AP1AR: variants seen among roughly 807,000 people sequenced by gnomAD.
AP1AR encodes the protein adaptor related protein complex 1 associated regulatory protein.
AP1AR carries 29 observed loss-of-function variants against 46.3 expected under a neutral mutation model. That is an observed-to-expected ratio of 0.63 (90% CI 0.47 to 0.85). The LOEUF (loss-of-function observed/expected upper bound fraction) is 0.85. Among genes scored for constraint, AP1AR ranks in the 40% least tolerant of loss-of-function variants. AP1AR has a pLI of 0.00. For synonymous variants in AP1AR, 122 were observed against 122.9 expected, an observed-to-expected ratio of 0.99 and a Z score of 0.05; for missense variants, 357 against 356.3, an observed-to-expected ratio of 1.00 and a Z score of -0.02.
intron 6 of AP1AR, among the ~76,000 whole-genome samples, chr4:112,264,535 C>T (rs1484884857): frequency 6.6e-6 from 1 of 152,166 alleles, no homozygotes; most frequent in Admixed American, 6.5e-5. Flanking sequence ...AGAGCCACAA[C>T]TCCCAACAGT....
chr4:112,233,262 T>G (rs1725097845), intron 1 of AP1AR, among the ~76,000 whole-genome samples: 1 of 152,262 alleles, frequency 6.6e-6, no homozygotes, highest in Non-Finnish European at 1.5e-5. Context: ...CATTCATTAA[T>G]TAGGCATTGT....
chr4:112,272,740 C>A lies in AP1AR; in HGVS notation c.*4331C>A, dbSNP rs1029811418. 2.6e-5 allele frequency among the ~76,000 whole-genome samples: 4 copies of A among 152,134 alleles called. No homozygotes were observed. The highest frequency in any genetic ancestry group is 9.7e-5 in the African/African-American group (4 of 41,408). The stretch of plus-strand genomic sequence containing the variant: ...ATTCTGTCTCTTGGCTGAATTCTTT[C>A]TCCCAAGAAGACAAAGATCAAGGAC... On this transcript the variant is annotated 3_prime_UTR_variant, in exon 10 of 10. Transcript: ENST00000274000.
intron 1 of AP1AR, among the ~76,000 whole-genome samples, chr4:112,248,422 A>T (rs1041481206): frequency 2.8e-4 from 43 of 151,956 alleles, no homozygotes; most frequent in Admixed American, 1.2e-3. Flanking sequence ...TTAGCTTTTT[A>T]AAAAAAACAG....
chr4:112,235,437 C>T (rs1013927971), intron 1 of AP1AR, among the ~76,000 whole-genome samples: 1 of 152,110 alleles, frequency 6.6e-6, no homozygotes, highest in Non-Finnish European at 1.5e-5. Flanking sequence ...CTTTTTGGCT[C>T]CAGCAGCCAA....
Position 112,268,209 on chromosome 4 carries a change from C to CTTAA in AP1AR, c.710_713dup (p.Lys238AsnfsTer2). On this transcript the variant is annotated frameshift_variant, in exon 10 of 10. Coordinates refer to ENST00000274000, the MANE Select transcript of AP1AR (RefSeq NM_018569.6). LOFTEE classifies it high-confidence loss of function. ...AGAGGAAGACATTCTACGGGCAGCA[C>CTTAA]TTAAGTATAGCAACAAGAAGACTGG... is the stretch of plus-strand genomic sequence containing the variant. 6.2e-7 allele frequency: 1 copy of CTTAA among 1,611,654 alleles called. No individual in the cohort carries two copies. Among genetic ancestry groups the CTTAA allele is most frequent in the East Asian group, 2.2e-5 (1 of 44,838 alleles).
intron 1 of AP1AR, among the ~76,000 whole-genome samples, chr4:112,248,460 AT>A (rs1725813259): frequency 1.3e-5 from 2 of 152,318 alleles, no homozygotes; most frequent in East Asian, 3.9e-4. Flanking sequence ...AAAGATGCAA[AT>A]TGAGGTAAGG....
chr4:112,271,137 A>G lies in AP1AR; in HGVS notation c.*2728A>G, dbSNP rs531249290. On this transcript the variant is annotated 3_prime_UTR_variant, in exon 10 of 10. Coordinates refer to ENST00000274000, the MANE Select transcript of AP1AR (RefSeq NM_018569.6). Reference sequence around the variant, plus strand: ...GCCGTGGCTACCTTGCTCACTGCACATAGTCCACGTAGGCAAAACTCAACC... The same window carrying G: ...GCCGTGGCTACCTTGCTCACTGCACGTAGTCCACGTAGGCAAAACTCAACC... Among the ~76,000 whole-genome samples the G allele has an allele frequency of 6.6e-6, 1 of 152,320 alleles. No homozygotes were observed. The highest frequency in any genetic ancestry group is 1.9e-4 in the East Asian group (1 of 5,178).
intron 1 of AP1AR, among the ~76,000 whole-genome samples, chr4:112,242,908 G>A (rs578073718): frequency 1.3e-5 from 2 of 152,284 alleles, no homozygotes; most frequent in South Asian, 4.1e-4. Flanking sequence ...GTAAATGAAT[G>A]TCCATGGATG....
At chr4:112,262,770 G>A (rs1726509144) in intron 5 of AP1AR, among the ~76,000 whole-genome samples, 1 of 152,132 alleles carries the variant, frequency 6.6e-6, no homozygotes, top group Admixed American at 6.5e-5. Context: ...TCATAACTCA[G>A]TTTCTAAGGA....
intron 3 of AP1AR, among the ~76,000 whole-genome samples, chr4:112,255,973 G>A (rs1726184341): frequency 6.6e-6 from 1 of 152,172 alleles, no homozygotes; most frequent in African/African-American, 2.4e-5. Context: ...GAAGAACACT[G>A]AAAGTTGACA....
chr4:112,258,176 C>A (rs1311340126), intron 4 of AP1AR, among the ~76,000 whole-genome samples: 1 of 152,000 alleles, frequency 6.6e-6, no homozygotes, highest in Non-Finnish European at 1.5e-5. Flanking sequence ...GTAACTAAAA[C>A]CTTATGCTAT....
Position 112,239,409 on chromosome 4 carries a change from C to T in AP1AR, c.83+7235C>T, listed in dbSNP as rs1270106956. The stretch of plus-strand genomic sequence containing the variant: ...CTAATGTTCACCTTTCCTGCTGCTG[C>T]TCTCCTCTGCATATTCATTTTCTTC... On this transcript the variant is annotated intron_variant, in intron 1 of 9. Coordinates refer to ENST00000274000, the MANE Select transcript of AP1AR (RefSeq NM_018569.6). Among the ~76,000 whole-genome samples the T allele has an allele frequency of 2.0e-5, 3 of 152,188 alleles. No homozygotes were observed. The East Asian group carries it at 5.8e-4, about 29-fold the overall frequency.
chr4:112,236,350 G>T (rs1338217134), intron 1 of AP1AR, among the ~76,000 whole-genome samples: 2 of 149,922 alleles, frequency 1.3e-5, no homozygotes, highest in African/African-American at 4.9e-5. Context: ...TCTTTCCTTT[G>T]CTCAGCAACT....
chr4:112,260,640 A>C (rs1726400501), intron 4 of AP1AR, 126 bp from the exon 5 acceptor site: 3 of 563,776 alleles, frequency 5.3e-6, no homozygotes, highest in African/African-American at 3.8e-5. Flanking sequence ...AAGTTGTAGC[A>C]AATTGCTTTA....
Position 112,268,296 on chromosome 4 carries a change from A to C in AP1AR, c.796A>C (p.Ser266Arg). ...NGLEWENDFV[S>R]AEMDDNGNSE... ...GCTGGAGTGGGAAAATGATTTTGTT[A>C]GTGCCGAAATGGATGATAATGGAAA... The change falls in exon 10 of 10, where the codon AGT (serine) becomes CGT (arginine). Residue 266 changes from serine to arginine, a missense_variant. Ser to Arg is a moderately radical substitution (Grantham distance 110). Around this residue, in one of 2 missense-constraint regions of AP1AR, gnomAD observed 88 missense variants for 132.7 expected, o/e 0.66. Transcript: ENST00000274000. 6.2e-7 allele frequency: 1 copy of C among 1,613,272 alleles called. No individual in the cohort carries two copies. Among genetic ancestry groups the C allele is most frequent in the Non-Finnish European group, 8.5e-7 (1 of 1,179,424 alleles).
chr4:112,265,065 A>G lies in AP1AR; in HGVS notation c.438A>G (p.Gln146=). The change falls in exon 7 of 10, where the codon CAA becomes CAG. Residue 146 remains glutamine, a splice_region_variant and synonymous_variant. Coordinates refer to ENST00000274000, the MANE Select transcript of AP1AR (RefSeq NM_018569.6). ...QYHPSNNGEY[Q]SSGPEDDFES... ...ATCCTTCCAACAATGGAGAATATCA[A>G]AGGTAAATAGTGAAACATATGCCTC... is the stretch of plus-strand genomic sequence containing the variant. The G allele has an allele frequency of 6.2e-7, 1 of 1,601,880 alleles. No homozygotes were observed. Among genetic ancestry groups the G allele is most frequent in the Non-Finnish European group, 8.5e-7 (1 of 1,175,586 alleles).
At position 112,271,697 on chromosome 4, in the gene AP1AR, AAG is replaced by A. The variant is rs982014259; in HGVS notation, c.*3291_*3292del. The stretch of plus-strand genomic sequence containing the variant: ...AGGTTTGGGAAAGTGGGGAAAATGA[AAG>A]AGTTCTATTTGAAAAGTTAACTTTG... On this transcript the variant is annotated 3_prime_UTR_variant, in exon 10 of 10. Coordinates refer to ENST00000274000, the MANE Select transcript of AP1AR (RefSeq NM_018569.6). Among the ~76,000 whole-genome samples, 8 of 152,248 alleles carry A rather than the reference AAG, an allele frequency of 5.3e-5. No individual in the cohort carries two copies. Among genetic ancestry groups the A allele is most frequent in the African/African-American group, 1.7e-4 (7 of 41,568 alleles).
In AP1AR at chr4:112,253,304, G is replaced by A. The variant is rs371566040; in HGVS notation, c.132+48G>A. ...GAATTAAAAATGCCTTCAGAAAGGC[G>A]GAAGGGGCTTTTTGTTGTAAAGAGG... is the stretch of plus-strand genomic sequence containing the variant. On this transcript the variant is annotated intron_variant, in intron 2 of 9. Transcript: ENST00000274000. 6.9e-5 allele frequency: 98 copies of A among 1,420,490 alleles called. 1 individual carries two copies. In the East Asian group the frequency reaches 1.4e-3, roughly 21 times the overall value. 88.0% of individuals were successfully genotyped at this position (1,420,490 alleles called of 1,614,324 possible).
chr4:112,264,943 T>C (rs1726610580), intron 6 of AP1AR, 66 bp from the exon 7 acceptor site: 11 of 1,225,798 alleles, frequency 9.0e-6, no homozygotes, highest in Non-Finnish European at 1.3e-5. Context: ...TGGTGTTGCA[T>C]GAGTGGTTTT....
Sources: allele counts gnomAD v4.1 joint callset (sites outside exome capture counted in the v4.1 genomes callset), GRCh38; gene constraint gnomAD v4.1.1; regional missense constraint gnomAD v4.1.1; transcripts MANE v1.5; gene names NCBI Gene and HGNC (gene_info 2026-07-23, HGNC 2026-07-21).